Variants in CADPS observed in about 807,000 individuals in gnomAD.
CADPS encodes calcium dependent secretion activator.
In CADPS, 57 loss-of-function variants were observed where a neutral mutation model predicts 167.3. That is an observed-to-expected ratio of 0.34 (90% confidence interval 0.28 to 0.42). The LOEUF is 0.42. Among genes scored for constraint, CADPS ranks in the 20% least tolerant of loss-of-function variants. The probability of loss-of-function intolerance (pLI) is 1.00; values close to 1 mark genes in which losing one functional copy is unlikely to be tolerated. For synonymous variants in CADPS, 676 were observed against 635.3 expected (o/e 1.06, Z -0.96); for missense variants, 1,414 against 1,738.1 (o/e 0.81, Z 3.32).
chr3:62,796,925 C>T (rs1023328546), intron 1 of CADPS, among the ~76,000 whole-genome samples: 2 of 152,098 alleles, frequency 1.3e-5, no homozygotes, highest in Admixed American at 6.6e-5. Context: ...TAGTAATCAC[C>T]TACTAATTAA....
rs1705151135 is a variant in CADPS, at chr3:62,399,634, GGGGA to G, written c.3883-53_3883-50del. ...ATAAGAGAGATCTCATCTCCATGAT[GGGGA>G]GGGAGAAGGTAAAAGCAGGTGTGGG... On this transcript the variant is annotated intron_variant, in intron 29 of 29. Transcript: ENST00000383710. The surrounding 1 kb of genome is among the most constrained non-coding windows in gnomAD (Gnocchi z 5.6). The G allele has an allele frequency of 6.6e-7, 1 of 1,519,650 alleles. No homozygotes were observed. Among genetic ancestry groups the G allele is most frequent in the African/African-American group, 1.4e-5 (1 of 73,052 alleles). The allele number at this position is 1,519,650 out of a possible 1,614,324, so 94.1% of individuals were successfully genotyped here.
At chr3:62,449,809 G>GTT (rs1334706007) in intron 26 of CADPS, among the ~76,000 whole-genome samples, 5 of 151,898 alleles carry the variant, frequency 3.3e-5, no homozygotes, top group Non-Finnish European at 7.4e-5. Flanking sequence ...GTGTGTGTGT[G>GTT]TGTGTGTGTG....
intron 6 of CADPS, among the ~76,000 whole-genome samples, chr3:62,593,892 G>A (rs773648103): frequency 6.6e-6 from 1 of 152,172 alleles, no homozygotes; most frequent in Non-Finnish European, 1.5e-5. Flanking sequence ...CTAATATTCT[G>A]TAAGCTCCAT....
chr3:62,659,710 T>G (rs2072682324), intron 4 of CADPS, among the ~76,000 whole-genome samples: 1 of 152,216 alleles, frequency 6.6e-6, no homozygotes, highest in African/African-American at 2.4e-5. Context: ...AAGTTTCCAT[T>G]TCTGGACCAA....
At chr3:62,751,988 AT>A (rs1372939197) in intron 3 of CADPS, among the ~76,000 whole-genome samples, 2 of 152,244 alleles carry the variant, frequency 1.3e-5, no homozygotes, top group Admixed American at 6.5e-5. Flanking sequence ...GAAAATATGC[AT>A]AAGCTGTTGC....
rs149443024 is a variant in CADPS at position 62,603,155 on chromosome 3, C to A, written c.1326-10407G>T. On this transcript the variant is annotated intron_variant, in intron 6 of 29. Transcript: ENST00000383710. ...TAAACTCACAGGACAGGGTTCTATG[C>A]CCCTGGCTTCTAGCACAGTGCAAAG... Among the ~76,000 whole-genome samples, 161 of 152,262 alleles carry A rather than the reference C, an allele frequency of 1.1e-3. 2 individuals are homozygous for A. Among genetic ancestry groups the A allele is most frequent in the African/African-American group, 3.6e-3 (151 of 41,540 alleles).
At chr3:62,582,985 G>T (rs1037847095) in intron 8 of CADPS, among the ~76,000 whole-genome samples, 1 of 152,182 alleles carries the variant, frequency 6.6e-6, no homozygotes, top group Non-Finnish European at 1.5e-5. Flanking sequence ...GCTGTGGAGA[G>T]TAAGTGACAC....
chr3:62,753,170 T>C lies in CADPS; in HGVS notation c.888+271A>G, dbSNP rs546518815. ...ACACGTGGAAAACAAGCCTTACTCA[T>C]AGGGCCAACTTACCCATTAGACACA... On this transcript the variant is annotated intron_variant, in intron 3 of 29. Coordinates refer to ENST00000383710, the MANE Select transcript of CADPS (RefSeq NM_003716.4). The surrounding 1 kb of genome is among the most constrained non-coding windows in gnomAD (Gnocchi z 4.6). Among the ~76,000 whole-genome samples, 1 of 152,266 alleles carries C rather than the reference T, an allele frequency of 6.6e-6. No individual in the cohort carries two copies. Among genetic ancestry groups the C allele is most frequent in the East Asian group, 1.9e-4 (1 of 5,184 alleles).
intron 3 of CADPS, among the ~76,000 whole-genome samples, chr3:62,729,709 T>C (rs1028866484): frequency 2.0e-5 from 3 of 151,878 alleles, no homozygotes; most frequent in Non-Finnish European, 4.4e-5. Context: ...ATCACCTCAA[T>C]GTTATTATTG....
chr3:62,607,225 T>C (rs2060813274), intron 6 of CADPS, among the ~76,000 whole-genome samples: 1 of 152,190 alleles, frequency 6.6e-6, no homozygotes, highest in African/African-American at 2.4e-5. Context: ...ATGACTTTAG[T>C]GACTTGAAAA....
At position 62,824,929 on chromosome 3, in the gene CADPS, C is replaced by T. The variant is rs545315833; in HGVS notation, c.441+49660G>A. ...ACATTTCTGCTTGGTTAAAATATTA[C>T]GTGTCAGAGATGAAGTCAGCTTTAC... is the stretch of plus-strand genomic sequence containing the variant. On this transcript the variant is annotated intron_variant, in intron 1 of 29. Transcript: ENST00000383710. 3.8e-4 allele frequency among the ~76,000 whole-genome samples: 58 copies of T among 152,198 alleles called. 2 individuals are homozygous for T. In the South Asian group the frequency reaches 0.01, roughly 27 times the overall value.
chr3:62,651,749 G>T (rs2070204030), intron 4 of CADPS, among the ~76,000 whole-genome samples: 1 of 152,212 alleles, frequency 6.6e-6, no homozygotes, highest in South Asian at 2.1e-4. Context: ...CATGCTATTT[G>T]TTTCTTCATA....
At chr3:62,472,041 T>C (rs1024517742) in intron 24 of CADPS, among the ~76,000 whole-genome samples, 19 of 152,246 alleles carry the variant, frequency 1.2e-4, no homozygotes, top group African/African-American at 4.6e-4. Context: ...GAGCGAACAA[T>C]ACATGCTACA....
At chr3:62,457,044 T>C (rs1013086681) in intron 26 of CADPS, among the ~76,000 whole-genome samples, 1 of 152,186 alleles carries the variant, frequency 6.6e-6, no homozygotes, top group Admixed American at 6.5e-5. Context: ...GTAAGATTTT[T>C]TTTTTAAACC....
intron 6 of CADPS, among the ~76,000 whole-genome samples, chr3:62,614,619 T>C (rs1578845322): frequency 6.6e-6 from 1 of 152,216 alleles, no homozygotes; most frequent in South Asian, 2.1e-4. Flanking sequence ...TGATCCCTGT[T>C]GAAGGGAATA....
intron 6 of CADPS, among the ~76,000 whole-genome samples, chr3:62,635,559 T>C (rs1039672532): frequency 2.0e-5 from 3 of 152,174 alleles, no homozygotes; most frequent in African/African-American, 7.2e-5. Context: ...TGTGTGTGTA[T>C]GTATTTTATT....
chr3:62,715,934 A>G (rs997594090), intron 3 of CADPS, among the ~76,000 whole-genome samples: 1 of 151,460 alleles, frequency 6.6e-6, no homozygotes, highest in Non-Finnish European at 1.5e-5. Context: ...TTTAGAAGAG[A>G]CGGGGTTTCA....
At chr3:62,642,309 G>C (rs528365751) in intron 6 of CADPS, among the ~76,000 whole-genome samples, 1 of 152,150 alleles carries the variant, frequency 6.6e-6, no homozygotes, top group African/African-American at 2.4e-5. Flanking sequence ...AATAGTCAAA[G>C]ACAAGATTCA....
chr3:62,693,085 CCT>C (rs1260415855), intron 3 of CADPS, among the ~76,000 whole-genome samples: 10 of 152,118 alleles, frequency 6.6e-5, no homozygotes, highest in African/African-American at 2.2e-4. Context: ...ATTTCTCGTC[CCT>C]CTCTCAGGAA....
Sources: gnomAD v4.1 joint callset for allele counts (sites outside exome capture counted in the v4.1 genomes callset) on GRCh38, gnomAD v4.1.1 for gene constraint, Gnocchi (gnomAD v3.1) non-coding constraint, MANE v1.5 for transcripts, NCBI Gene and HGNC (gene_info 2026-07-23, HGNC 2026-07-21) for gene names.